The following PDE4D variants were observed in gnomAD, a reference collection of about 807,000 sequenced individuals.
PDE4D encodes 3',5'-cyclic-AMP phosphodiesterase 4D.
A neutral mutation model predicts 87.4 loss-of-function variants in PDE4D; 24 were observed. That is an observed-to-expected ratio of 0.27 (90% CI 0.20 to 0.39). PDE4D has a LOEUF of 0.39. PDE4D is among the 10% of genes least tolerant of loss of function. The pLI, the probability that PDE4D is intolerant of heterozygous loss-of-function variation, is 1.00. For synonymous variants in PDE4D, 384 were observed against 383.2 expected, an observed-to-expected ratio of 1.00 and a Z score of -0.02; for missense variants, 714 against 1,041.0, an observed-to-expected ratio of 0.69 and a Z score of 4.32.
intron 2 of PDE4D, among the ~76,000 whole-genome samples, chr5:60,101,646 C>T (rs1776229310): frequency 6.6e-6 from 1 of 152,058 alleles, no homozygotes; most frequent in Non-Finnish European, 1.5e-5. Flanking sequence ...TACTCTGTTG[C>T]AGAATAAAAT....
chr5:58,982,867 G>A (rs1283066977), intron 11 of PDE4D, among the ~76,000 whole-genome samples: 1 of 152,136 alleles, frequency 6.6e-6, no homozygotes, highest in Non-Finnish European at 1.5e-5. Context: ...CTATTCACTT[G>A]GTTATTAAAA....
chr5:59,356,920 C>T (rs922837672), intron 1 of PDE4D: 9 of 1,450,102 alleles, frequency 6.2e-6, no homozygotes, highest in South Asian at 1.5e-5. Context: ...GGCCCTGAGG[C>T]CCCGCACGGA....
chr5:59,132,157 C>T (rs1443079680), intron 5 of PDE4D, among the ~76,000 whole-genome samples: 1 of 152,060 alleles, frequency 6.6e-6, no homozygotes, highest in African/African-American at 2.4e-5. Flanking sequence ...TAATAATATA[C>T]ATTATAATAA....
chr5:59,225,229 T>C (rs1353334055), intron 1 of PDE4D, among the ~76,000 whole-genome samples: 2 of 152,196 alleles, frequency 1.3e-5, no homozygotes, highest in Admixed American at 6.5e-5. Context: ...GAATATCTAG[T>C]TTCCCCAATA....
intron 3 of PDE4D, among the ~76,000 whole-genome samples, chr5:59,972,453 A>T (rs1760885059): frequency 1.3e-5 from 2 of 152,248 alleles, no homozygotes. Flanking sequence ...GGGACAAAGG[A>T]TCCGGCTTGT....
chr5:59,748,488 C>T (rs913846558), intron 1 of PDE4D, among the ~76,000 whole-genome samples: 1 of 152,128 alleles, frequency 6.6e-6, no homozygotes, highest in Non-Finnish European at 1.5e-5. Context: ...AGGATGAGTT[C>T]ACGTGCTTTG....
intron 1 of PDE4D, among the ~76,000 whole-genome samples, chr5:59,495,525 A>G (rs1193265355): frequency 2.6e-5 from 4 of 152,178 alleles, no homozygotes; most frequent in Non-Finnish European, 5.9e-5. Context: ...GTGGCTCCCC[A>G]ACAGAGAAAC....
intron 2 of PDE4D, among the ~76,000 whole-genome samples, chr5:60,127,023 A>C (rs753653679): frequency 6.6e-6 from 1 of 152,202 alleles, no homozygotes; most frequent in Non-Finnish European, 1.5e-5. Context: ...CAGTCCAGAG[A>C]AGTCTTCTAA....
At chr5:59,076,549 T>C (rs972246524) in intron 5 of PDE4D, among the ~76,000 whole-genome samples, 16 of 152,300 alleles carry the variant, frequency 1.1e-4, no homozygotes, top group South Asian at 4.1e-4. Context: ...TGACAATTTG[T>C]ATACAGTTCA....
intron 1 of PDE4D, among the ~76,000 whole-genome samples, chr5:59,861,161 G>A (rs1483567701): frequency 6.6e-6 from 1 of 151,912 alleles, no homozygotes; most frequent in East Asian, 1.9e-4. Flanking sequence ...ATGAGCCACT[G>A]CGCCCGGCCC....
At chr5:60,360,011 C>T (rs928297024) in intron 1 of PDE4D, among the ~76,000 whole-genome samples, 1 of 152,188 alleles carries the variant, frequency 6.6e-6, no homozygotes, top group Non-Finnish European at 1.5e-5. Flanking sequence ...ACTTTGAAAA[C>T]ACAATCTCGA....
At chr5:60,483,253 T>C (rs1173068594) in intron 1 of PDE4D, among the ~76,000 whole-genome samples, 1 of 152,204 alleles carries the variant, frequency 6.6e-6, no homozygotes, top group African/African-American at 2.4e-5. Context: ...AGCATGGAAC[T>C]GACAGGCTTA....
At chr5:59,858,759 C>T (rs566733633) in intron 1 of PDE4D, among the ~76,000 whole-genome samples, 4 of 152,234 alleles carry the variant, frequency 2.6e-5, no homozygotes, top group African/African-American at 9.6e-5. Context: ...AATATATTTT[C>T]CTTTTGCCTT....
rs11324683 is a variant in PDE4D at position 59,509,423 on chromosome 5, CAA to C, written c.456-293457_456-293456del. ...TAAATAAAAAGGATGGTCTCAGATG[CAA>C]AAAAAAAAAAAATGCTGAGCAAAGA... On this transcript the variant is annotated intron_variant, in intron 1 of 14. Transcript: ENST00000340635. 9.3e-3 allele frequency among the ~76,000 whole-genome samples: 1,136 copies of C among 122,038 alleles called. 17 individuals are homozygous for C. Among genetic ancestry groups the C allele is most frequent in the Non-Finnish European group, 8.1e-3 (446 of 54,748 alleles). 80.1% of individuals were successfully genotyped at this position (122,038 alleles called of 152,430 possible).
At chr5:60,115,054 T>C (rs1330978165) in intron 2 of PDE4D, among the ~76,000 whole-genome samples, 1 of 151,988 alleles carries the variant, frequency 6.6e-6, no homozygotes, top group Non-Finnish European at 1.5e-5. Context: ...CAGTATTCAG[T>C]AGATTGAAGT....
chr5:59,539,385 C>T (rs887216901), intron 1 of PDE4D, among the ~76,000 whole-genome samples: 2 of 152,078 alleles, frequency 1.3e-5, no homozygotes, highest in Non-Finnish European at 2.9e-5. Context: ...CACCCTACCC[C>T]CCAAAAAATT....
intron 5 of PDE4D, among the ~76,000 whole-genome samples, chr5:59,070,356 A>G (rs1764581343): frequency 6.6e-6 from 1 of 152,144 alleles, no homozygotes; most frequent in South Asian, 2.1e-4. Flanking sequence ...CACCCACAAT[A>G]CATACATGTA....
intron 1 of PDE4D, among the ~76,000 whole-genome samples, chr5:60,211,330 G>A (rs1383854564): frequency 1.3e-5 from 2 of 152,026 alleles, no homozygotes; most frequent in Non-Finnish European, 2.9e-5. Context: ...CCATTTTGCA[G>A]ATTGGGGAGC....
chr5:59,273,775 T>C (rs1050430841), intron 1 of PDE4D, among the ~76,000 whole-genome samples: 7 of 152,172 alleles, frequency 4.6e-5, no homozygotes, highest in African/African-American at 1.4e-4. Context: ...GCTTGACTTA[T>C]GAAAATATCC....
Sources: allele counts gnomAD v4.1 joint callset (sites outside exome capture counted in the v4.1 genomes callset), GRCh38; gene constraint gnomAD v4.1.1; transcripts MANE v1.5; gene names NCBI Gene and HGNC (gene_info 2026-07-23, HGNC 2026-07-21).